The following AFF3 variants were observed in gnomAD, a reference collection of about 807,000 sequenced individuals.
The protein encoded by AFF3 is AF4/FMR2 family member 3.
AFF3 carries 32 observed loss-of-function variants against 129.7 expected under a neutral mutation model. The observed-to-expected ratio is 0.25, with a 90% CI of 0.19 to 0.33. The LOEUF (loss-of-function observed/expected upper bound fraction) is 0.33. Ranked by LOEUF, AFF3 falls within the 10% of genes least tolerant of loss-of-function variation. The probability of loss-of-function intolerance (pLI) is 1.00; values close to 1 mark genes in which losing one functional copy is unlikely to be tolerated. For synonymous variants in AFF3, 644 were observed against 635.4 expected, an observed-to-expected ratio of 1.01 and a Z score of -0.20; for missense variants, 1,373 against 1,592.0, an observed-to-expected ratio of 0.86 and a Z score of 2.34.
At chr2:100,012,392 C>T (rs1682634922) in intron 4 of AFF3, among the ~76,000 whole-genome samples, 2 of 152,200 alleles carry the variant, frequency 1.3e-5, no homozygotes, top group Non-Finnish European at 2.9e-5. Flanking sequence ...ACAAGCCCCC[C>T]ACCACATATC....
chr2:99,813,646 G>A (rs899451366), intron 8 of AFF3, among the ~76,000 whole-genome samples: 2 of 152,224 alleles, frequency 1.3e-5, no homozygotes, highest in Non-Finnish European at 2.9e-5. Flanking sequence ...AGCTGAGACT[G>A]TGAGGAGATT....
intron 9 of AFF3, among the ~76,000 whole-genome samples, chr2:99,745,236 G>A (rs776691492): frequency 3.3e-5 from 5 of 152,014 alleles, no homozygotes; most frequent in Admixed American, 2.0e-4. Flanking sequence ...TTTTGTTGTT[G>A]AGTTGAATGA....
chr2:99,997,478 C>G lies in AFF3; in HGVS notation c.873+9154G>C, dbSNP rs200597211. 1.0e-3 allele frequency among the ~76,000 whole-genome samples: 152 copies of G among 148,246 alleles called. 3 individuals are homozygous for G. Among genetic ancestry groups the G allele is most frequent in the African/African-American group, 3.0e-3 (119 of 40,264 alleles). On this transcript the variant is annotated intron_variant, in intron 7 of 24. Coordinates refer to ENST00000672756, the MANE Select transcript of AFF3 (RefSeq NM_001386135.1). ...CCCCATGGTCCCAGCAACTATCACC[C>G]CCCCCCCAGATTAGCACAATAACCT...
At chr2:99,743,826 G>A (rs969136702) in intron 10 of AFF3, among the ~76,000 whole-genome samples, 4 of 152,024 alleles carry the variant, frequency 2.6e-5, no homozygotes, top group Non-Finnish European at 4.4e-5. Context: ...ACATATACTA[G>A]GAACAGCCAT....
chr2:99,845,144 A>G (rs943353989), intron 7 of AFF3, among the ~76,000 whole-genome samples: 3 of 152,210 alleles, frequency 2.0e-5, no homozygotes, highest in African/African-American at 7.2e-5. Context: ...GCTTATATCC[A>G]TTAAGTACAG....
At chr2:99,904,212 A>G (rs1247835610) in intron 7 of AFF3, among the ~76,000 whole-genome samples, 3 of 152,108 alleles carry the variant, frequency 2.0e-5, no homozygotes, top group Non-Finnish European at 4.4e-5. Flanking sequence ...GGTCTGAGAT[A>G]AATCTGTGTC....
chr2:99,603,481 C>G (rs907503619), intron 13 of AFF3, among the ~76,000 whole-genome samples: 6 of 152,100 alleles, frequency 3.9e-5, no homozygotes, highest in African/African-American at 1.4e-4. Flanking sequence ...AAAATCGACT[C>G]AAGATAGATT....
At chr2:99,911,364 G>A (rs1412015236) in intron 7 of AFF3, among the ~76,000 whole-genome samples, 1 of 151,714 alleles carries the variant, frequency 6.6e-6, no homozygotes, top group African/African-American at 2.4e-5. Context: ...CTCCAGCCTG[G>A]GCAACAGAGT....
At chr2:99,725,445 T>C (rs963677239) in intron 11 of AFF3, among the ~76,000 whole-genome samples, 3 of 152,216 alleles carry the variant, frequency 2.0e-5, no homozygotes, top group Non-Finnish European at 2.9e-5. Flanking sequence ...TTCTTGTGCC[T>C]CAGCCTCCCG....
At chr2:99,637,248 G>A (rs1219380516) in intron 13 of AFF3, among the ~76,000 whole-genome samples, 1 of 152,188 alleles carries the variant, frequency 6.6e-6, no homozygotes, top group East Asian at 1.9e-4. Context: ...TAAGTAGTTT[G>A]GTTTTAAACA....
At chr2:100,059,520 G>A (rs139389034) in intron 4 of AFF3, among the ~76,000 whole-genome samples, 430 of 152,200 alleles carry the variant, frequency 2.8e-3, no homozygotes, top group African/African-American at 8.2e-3. Context: ...TGGTAGGGTC[G>A]TAAAGATATT....
rs970006313 is a variant in AFF3, at chr2:99,549,411, C to T, written c.*2063G>A. The T allele has an allele frequency of 1.7e-5, 3 of 179,738 alleles. No homozygotes were observed. The highest frequency in any genetic ancestry group is 4.7e-5 in the African/African-American group (2 of 42,332). 11.1% of individuals were successfully genotyped at this position (179,738 alleles called of 1,614,324 possible). A position where few individuals can be genotyped will look rare whatever the true frequency, so the allele number is the denominator to read the frequency against. On this transcript the variant is annotated 3_prime_UTR_variant, in exon 25 of 25. Coordinates refer to ENST00000672756, the MANE Select transcript of AFF3 (RefSeq NM_001386135.1). ...ACGAGCCTGGCCAACATGGTGAAAC[C>T]CAGTCTCTACTAAAAACACAAAAAT... is the stretch of plus-strand genomic sequence containing the variant.
intron 8 of AFF3, among the ~76,000 whole-genome samples, chr2:99,807,080 C>T (rs7595916): frequency 0.018 from 2,796 of 152,268 alleles, 89 homozygotes; most frequent in African/African-American, 0.063. Context: ...GTGTTACTGG[C>T]GCCACCAGGG....
intron 7 of AFF3, among the ~76,000 whole-genome samples, chr2:99,926,502 C>T (rs1360961109): frequency 6.6e-6 from 1 of 152,218 alleles, no homozygotes; most frequent in Non-Finnish European, 1.5e-5. Flanking sequence ...TTAATTTCTA[C>T]ATACACATTA....
intron 11 of AFF3, among the ~76,000 whole-genome samples, chr2:99,677,198 A>C (rs1674032907): frequency 6.9e-6 from 1 of 145,198 alleles, no homozygotes; most frequent in African/African-American, 2.6e-5. Context: ...TGAGCCCTGG[A>C]GGTCAAGGCT....
chr2:99,914,032 G>A (rs1180812262), intron 7 of AFF3, among the ~76,000 whole-genome samples: 7 of 152,068 alleles, frequency 4.6e-5, no homozygotes, highest in African/African-American at 1.4e-4. Context: ...TACCACCAAC[G>A]AATGCTAAAA....
At chr2:99,712,643 G>C (rs555415505) in intron 11 of AFF3, among the ~76,000 whole-genome samples, 7 of 152,208 alleles carry the variant, frequency 4.6e-5, no homozygotes, top group African/African-American at 1.7e-4. Context: ...TGATCTTTGC[G>C]ACACTTTTGC....
chr2:99,579,617 G>A (rs1254761732), intron 17 of AFF3, among the ~76,000 whole-genome samples: 2 of 152,094 alleles, frequency 1.3e-5, no homozygotes, highest in African/African-American at 4.8e-5. Flanking sequence ...CTACTCAGGA[G>A]GCTGAGGCAG....
At chr2:99,816,524 T>C (rs1471518906) in intron 8 of AFF3, among the ~76,000 whole-genome samples, 2 of 152,190 alleles carry the variant, frequency 1.3e-5, no homozygotes, top group Non-Finnish European at 2.9e-5. Flanking sequence ...TGGAGGTTTC[T>C]GTTAATGTGG....
Sources: allele counts gnomAD v4.1 joint callset (sites outside exome capture counted in the v4.1 genomes callset), GRCh38; gene constraint gnomAD v4.1.1; transcripts MANE v1.5; gene names NCBI Gene and HGNC (gene_info 2026-07-23, HGNC 2026-07-21).